The following TOMM40 variants were observed in gnomAD, a reference collection of about 807,000 sequenced individuals.
TOMM40 encodes mitochondrial import receptor subunit TOM40 homolog.
In TOMM40, 9 loss-of-function variants were observed where a neutral mutation model predicts 38.4. The ratio of observed to expected loss-of-function variants is 0.23; its 90% confidence interval spans 0.14 to 0.41. TOMM40 has a LOEUF of 0.41. Ranked by LOEUF, TOMM40 falls within the 10% of genes least tolerant of loss-of-function variation. TOMM40 has a pLI of 1.00. For missense variants in TOMM40, 299 were observed against 486.5 expected, an observed-to-expected ratio of 0.61 and a Z score of 3.63; for synonymous variants, 184 against 210.0, an observed-to-expected ratio of 0.88 and a Z score of 1.07.
At chr19:44,896,169 A>G (rs963766329) in intron 5 of TOMM40, among the ~76,000 whole-genome samples, 1 of 152,116 alleles carries the variant, frequency 6.6e-6, no homozygotes, top group Non-Finnish European at 1.5e-5. Context: ...GCCCAGGGCC[A>G]CCAGTGACGC....
At position 44,893,894 on chromosome 19, in the gene TOMM40, C is replaced by A. The variant is rs781488251; in HGVS notation, c.537+13C>A. On this transcript the variant is annotated intron_variant, in intron 4 of 8. Coordinates refer to ENST00000426677, the MANE Select transcript of TOMM40 (RefSeq NM_001128917.2). ...GATGGCCATCCAGGTGAGTGGGGCA[C>A]GGAGGCTGCTGCTCCCCTCGGCCAC... The A allele has an allele frequency of 3.7e-6, 6 of 1,611,206 alleles. No individual in the cohort carries two copies. The highest frequency in any genetic ancestry group is 5.1e-6 in the Non-Finnish European group (6 of 1,179,294).
Position 44,900,863 on chromosome 19 carries a change from C to T in TOMM40, c.766+11C>T, listed in dbSNP as rs771143398. The T allele has an allele frequency of 7.4e-6, 12 of 1,613,134 alleles. No homozygotes were observed. Among genetic ancestry groups the T allele is most frequent in the East Asian group, 6.7e-5 (3 of 44,882 alleles). The stretch of plus-strand genomic sequence containing the variant: ...CTGGGAAATACACATGTGAGCCTGG[C>T]GCCTGGGTCCGAGGGTGGAGGGGCT... On this transcript the variant is annotated intron_variant, in intron 6 of 8. Coordinates refer to ENST00000426677, the MANE Select transcript of TOMM40 (RefSeq NM_001128917.2).
chr19:44,893,136 T>A (rs1290475908), intron 3 of TOMM40, among the ~76,000 whole-genome samples: 3 of 152,126 alleles, frequency 2.0e-5, no homozygotes, highest in Non-Finnish European at 4.4e-5. Flanking sequence ...CCTGGCCCCA[T>A]GCTGAGCAGT....
intron 1 of TOMM40, among the ~76,000 whole-genome samples, 157 bp downstream of exon 1, chr19:44,891,846 G>C (rs537835554): frequency 6.6e-6 from 1 of 152,344 alleles, no homozygotes; most frequent in Admixed American, 6.5e-5. Flanking sequence ...TGGACTTGGG[G>C]CTTAGAATGA....
In TOMM40 at chr19:44,893,001, C is replaced by T. The variant is rs142608136; in HGVS notation, c.435+72C>T. The T allele has an allele frequency of 1.2e-5, 16 of 1,335,868 alleles. 1 individual carries two copies. The highest frequency in any genetic ancestry group is 1.4e-5 in the Non-Finnish European group (13 of 959,782). The allele number at this position is 1,335,868 out of a possible 1,614,324, so 82.8% of individuals were successfully genotyped here. ...TTTGTAGCCAAATGTCAAGCTAAGA[C>T]GGCCTCATCAGGAAAAGGTCACAGC... On this transcript the variant is annotated intron_variant, in intron 3 of 8. Transcript: ENST00000426677.
chr19:44,893,185 C>T (rs964082865), intron 3 of TOMM40, among the ~76,000 whole-genome samples: 8 of 152,186 alleles, frequency 5.3e-5, no homozygotes, highest in Admixed American at 2.6e-4. Context: ...CACCAGACAG[C>T]GATGACCCAG....
intron 5 of TOMM40, among the ~76,000 whole-genome samples, chr19:44,896,329 C>CTG (rs971339747): frequency 9.2e-5 from 14 of 152,196 alleles, no homozygotes; most frequent in Admixed American, 6.5e-4. Context: ...CCAGGCGGCT[C>CTG]TGTGACCTCC....
intron 5 of TOMM40, among the ~76,000 whole-genome samples, chr19:44,895,121 G>C (rs983125946): frequency 6.6e-6 from 1 of 152,178 alleles, no homozygotes; most frequent in Non-Finnish European, 1.5e-5. Context: ...GCAGGCTCTT[G>C]AGCGCTGAGT....
chr19:44,893,887 T>G lies in TOMM40; in HGVS notation c.537+6T>G. 1 of 1,611,752 alleles carries G rather than the reference T, an allele frequency of 6.2e-7. No individual in the cohort carries two copies. The highest frequency in any genetic ancestry group is 2.2e-5 in the East Asian group (1 of 44,830). On this transcript the variant is annotated splice_donor_region_variant and intron_variant, in intron 4 of 8. Transcript: ENST00000426677. ...GGTCCAAGATGGCCATCCAGGTGAG[T>G]GGGGCACGGAGGCTGCTGCTCCCCT...
chr19:44,895,212 A>T (rs943393427), intron 5 of TOMM40, among the ~76,000 whole-genome samples: 1 of 151,748 alleles, frequency 6.6e-6, no homozygotes, highest in Non-Finnish European at 1.5e-5. Context: ...GAGAGTCACC[A>T]CTTCTCGCTG....
chr19:44,897,405 A>T (rs1422413436), intron 5 of TOMM40, among the ~76,000 whole-genome samples: 1 of 151,944 alleles, frequency 6.6e-6, no homozygotes. Flanking sequence ...GATAACACTG[A>T]CCAGAGTGGT....
At chr19:44,893,133 C>G (rs1244857268) in intron 3 of TOMM40, among the ~76,000 whole-genome samples, 17 of 152,190 alleles carry the variant, frequency 1.1e-4, no homozygotes, top group Non-Finnish European at 7.3e-5. Context: ...CTGCCTGGCC[C>G]CATGCTGAGC....
intron 2 of TOMM40, 118 bp from the exon 3 acceptor site, chr19:44,892,711 GAGTCTCTT>G (rs1474017865): frequency 1.2e-6 from 1 of 841,500 alleles, no homozygotes; most frequent in East Asian, 2.6e-5. Flanking sequence ...TCCTTTCTCT[GAGTCTCTT>G]AGTCAGGCCG....
chr19:44,900,742 C>T lies in TOMM40; in HGVS notation c.656C>T (p.Ala219Val). The change falls in exon 6 of 9, where the codon GCC (alanine) becomes GTC (valine). Residue 219 changes from alanine (A) to valine (V), a missense_variant. Transcript: ENST00000426677. ...ATTTTGCCCACAGGAATCCTCGTAG[C>T]CCACTACCTCCAGAGCATCACGCCT... ...DVLVGSGILV[A>V]HYLQSITPCL... is the part of the protein sequence containing the mutation. 1 of 1,612,432 alleles carries T rather than the reference C, an allele frequency of 6.2e-7. No homozygotes were observed. Among genetic ancestry groups the T allele is most frequent in the Non-Finnish European group, 8.5e-7 (1 of 1,179,868 alleles).
intron 5 of TOMM40, among the ~76,000 whole-genome samples, chr19:44,894,892 C>T (rs1969536938): frequency 6.6e-6 from 1 of 152,278 alleles, no homozygotes; most frequent in Admixed American, 6.5e-5. Flanking sequence ...CAGGACCCTG[C>T]AGCTGGCGTA....
At chr19:44,902,143 C>T (rs747456913) in intron 8 of TOMM40, 4 of 152,126 alleles carry the variant, frequency 2.6e-5, no homozygotes, top group African/African-American at 4.8e-5. Context: ...TCTGGTGGAG[C>T]ATCTGATGGG....
At chr19:44,899,015 C>T (rs1211828571) in intron 5 of TOMM40, among the ~76,000 whole-genome samples, 1 of 151,206 alleles carries the variant, frequency 6.6e-6, no homozygotes, top group African/African-American at 2.4e-5. Flanking sequence ...TCCTGTAGTC[C>T]CAGCTACTCG....
chr19:44,894,824 C>T (rs954907566), intron 5 of TOMM40, among the ~76,000 whole-genome samples: 3 of 152,172 alleles, frequency 2.0e-5, no homozygotes, highest in African/African-American at 7.2e-5. Context: ...CTTTGCAGAG[C>T]CTTGGCCTTC....
intron 5 of TOMM40, among the ~76,000 whole-genome samples, chr19:44,899,544 G>A (rs1345345131): frequency 6.6e-6 from 1 of 151,368 alleles, no homozygotes; most frequent in East Asian, 1.9e-4. Context: ...CGAATTCCTG[G>A]GCTCAAATGA....
Sources: allele counts gnomAD v4.1 joint callset (sites outside exome capture counted in the v4.1 genomes callset), GRCh38; gene constraint gnomAD v4.1.1; transcripts MANE v1.5; gene names NCBI Gene and HGNC (gene_info 2026-07-23, HGNC 2026-07-21).